GRM4: variants seen among roughly 807,000 people sequenced by gnomAD.
The protein encoded by GRM4 is glutamate metabotropic receptor 4, also known as metabotropic glutamate receptor 4.
Under a neutral mutation model 81.7 loss-of-function variants are expected in GRM4, and 28 were observed. The observed-to-expected ratio is 0.34, with a 90% CI of 0.25 to 0.47. The LOEUF (loss-of-function observed/expected upper bound fraction) is 0.47. Among genes scored for constraint, GRM4 ranks in the 20% least tolerant of loss-of-function variants. GRM4 has a pLI of 1.00. For synonymous variants in GRM4, 488 were observed against 528.8 expected (o/e 0.92, Z 1.06); for missense variants, 948 against 1,290.0 (o/e 0.73, Z 4.06).
chr6:34,132,904 C>A (rs1016456293), intron 2 of GRM4, 74 bp downstream of exon 2: 59 of 1,291,530 alleles, frequency 4.6e-5, no homozygotes, highest in Non-Finnish European at 6.0e-5. Context: ...GTCGGCCAGG[C>A]CTGGCACCCT....
chr6:34,098,890 G>T (rs568302742), intron 2 of GRM4, among the ~76,000 whole-genome samples: 6 of 152,250 alleles, frequency 3.9e-5, no homozygotes, highest in African/African-American at 1.4e-4. Flanking sequence ...CTGGGAGGGG[G>T]TGCCCAGAGG....
chr6:34,073,942 A>G (rs1581658515), intron 3 of GRM4, among the ~76,000 whole-genome samples: 1 of 152,144 alleles, frequency 6.6e-6, no homozygotes, highest in African/African-American at 2.4e-5. Context: ...GGAGGGGCCT[A>G]TGGTCCAGCA....
chr6:34,073,058 A>ACAGATACACACCACACACACACATCAC (rs1767064357), intron 3 of GRM4, among the ~76,000 whole-genome samples: 2 of 116,064 alleles, frequency 1.7e-5, no homozygotes, highest in Admixed American at 1.7e-4. Context: ...ACACATCACC[A>ACAGATACACACCACACACACACATCAC]CACAGATACA....
At chr6:34,117,036 C>G (rs4713739) in intron 2 of GRM4, among the ~76,000 whole-genome samples, 65,776 of 152,128 alleles carry the variant, frequency 0.43, 15,926 homozygotes, top group Non-Finnish European at 0.53. Context: ...AGGAGGGGCT[C>G]AAGGGAGCTT....
At position 34,130,270 on chromosome 6, in the gene GRM4, CACA is replaced by C; in HGVS notation, c.519+2705_519+2707del. On this transcript the variant is annotated intron_variant, in intron 2 of 10. Coordinates refer to ENST00000538487, the MANE Select transcript of GRM4 (RefSeq NM_000841.4). The surrounding 1 kb of genome is among the most constrained non-coding windows in gnomAD (Gnocchi z 4.1). ...TAAAAGGGACCCAGGGAATGCAGGC[CACA>C]GCCGGCTGGTTTTCTCCCCGCTGTC... 6.6e-6 allele frequency among the ~76,000 whole-genome samples: 1 copy of C among 152,314 alleles called. No individual in the cohort carries two copies. Among genetic ancestry groups the C allele is most frequent in the Non-Finnish European group, 1.5e-5 (1 of 68,012 alleles).
Position 34,069,142 on chromosome 6 carries a change from CTACCCCTGGA to C in GRM4, c.737-7124_737-7115del. 6.7e-6 allele frequency among the ~76,000 whole-genome samples: 1 copy of C among 150,124 alleles called. No individual in the cohort carries two copies. The highest frequency in any genetic ancestry group is 1.5e-5 in the Non-Finnish European group (1 of 67,686). ...CAGAGGGGAGGACAGGGGCTGGAAG[CTACCCCTGGA>C]CCCTCATGGGCGTATACACACACAC... On this transcript the variant is annotated intron_variant, in intron 3 of 10. Coordinates refer to ENST00000538487, the MANE Select transcript of GRM4 (RefSeq NM_000841.4). The surrounding 1 kb of genome is among the most constrained non-coding windows in gnomAD (Gnocchi z 6.4).
At chr6:34,052,524 C>G (rs1240248421) in intron 6 of GRM4, among the ~76,000 whole-genome samples, 1 of 152,196 alleles carries the variant, frequency 6.6e-6, no homozygotes, top group Admixed American at 6.5e-5. Flanking sequence ...GCAAAGGACC[C>G]AGGAGTGGCA....
intron 2 of GRM4, among the ~76,000 whole-genome samples, chr6:34,116,190 C>T (rs548445089): frequency 8.5e-5 from 13 of 152,272 alleles, no homozygotes; most frequent in Non-Finnish European, 1.8e-4. Flanking sequence ...AAACACATGC[C>T]GCCTAGAACT....
rs181192913 is a variant in GRM4 at position 34,143,216 on chromosome 6, C to T, written c.-364+2784G>A. Among the ~76,000 whole-genome samples, 22 of 152,266 alleles carry T rather than the reference C, an allele frequency of 1.4e-4. No individual in the cohort carries two copies. In the East Asian group the frequency reaches 3.9e-3, roughly 27 times the overall value. On this transcript the variant is annotated intron_variant, in intron 1 of 10. Coordinates refer to ENST00000538487, the MANE Select transcript of GRM4 (RefSeq NM_000841.4). ...GACAGAAGTTGGAGGAACATAAAGACAGCGGCCACCCAATTCACAAGCGGA... is the reference window on the plus strand; with the variant it reads ...GACAGAAGTTGGAGGAACATAAAGATAGCGGCCACCCAATTCACAAGCGGA...
intron 6 of GRM4, among the ~76,000 whole-genome samples, chr6:34,050,600 C>A (rs1259763001): frequency 6.6e-6 from 1 of 152,208 alleles, no homozygotes; most frequent in Non-Finnish European, 1.5e-5. Context: ...AGCCTCTTTT[C>A]TTTATGAATT....
chr6:34,142,759 T>C (rs1770744247), intron 1 of GRM4, among the ~76,000 whole-genome samples: 1 of 152,162 alleles, frequency 6.6e-6, no homozygotes, highest in African/African-American at 2.4e-5. Flanking sequence ...AGGCGCTCCC[T>C]CTCAGAGAAG....
At chr6:34,097,112 C>A (rs1013950954) in intron 2 of GRM4, among the ~76,000 whole-genome samples, 5 of 152,200 alleles carry the variant, frequency 3.3e-5, no homozygotes, top group African/African-American at 9.7e-5. Context: ...TCAGCGGGCT[C>A]CAATCTAGAT....
chr6:34,124,243 G>A (rs555543333), intron 2 of GRM4, among the ~76,000 whole-genome samples: 7 of 152,208 alleles, frequency 4.6e-5, no homozygotes, highest in South Asian at 4.2e-4. Flanking sequence ...TCCTGTCCCC[G>A]GGGTCTCTGC....
chr6:34,044,371 C>T (rs575485340), intron 6 of GRM4, among the ~76,000 whole-genome samples: 2 of 150,682 alleles, frequency 1.3e-5, no homozygotes, highest in African/African-American at 2.5e-5. Context: ...CAGACACACA[C>T]ATACACACAC....
intron 2 of GRM4, among the ~76,000 whole-genome samples, chr6:34,118,446 C>T (rs573328329): frequency 6.2e-4 from 94 of 152,282 alleles, no homozygotes; most frequent in African/African-American, 2.2e-3. Context: ...GACCCTGATT[C>T]GAAGCCCAGC....
At chr6:34,105,622 G>C (rs1305066807) in intron 2 of GRM4, among the ~76,000 whole-genome samples, 3 of 152,062 alleles carry the variant, frequency 2.0e-5, no homozygotes, top group Non-Finnish European at 4.4e-5. Context: ...ACTCCCTGGG[G>C]CCTGGGACTG....
chr6:34,039,107 C>T (rs1764867390), intron 8 of GRM4, among the ~76,000 whole-genome samples: 1 of 152,182 alleles, frequency 6.6e-6, no homozygotes, highest in African/African-American at 2.4e-5. Context: ...CTGTTGTGCC[C>T]ATCGCTCTCC....
chr6:34,023,730 T>TC (rs1280297260), intron 10 of GRM4, among the ~76,000 whole-genome samples: 1 of 152,054 alleles, frequency 6.6e-6, no homozygotes, highest in Admixed American at 6.6e-5. Flanking sequence ...AGTGTGAGTG[T>TC]CCCCCACCCC....
rs181165746 is a variant in GRM4, at chr6:34,064,207, G to T, written c.737-2179C>A. ...GATTCAGACCAGAAGGGAGTGCGGG[G>T]GGCGGGGGTGTGCAGAGCTCCGTAA... On this transcript the variant is annotated intron_variant, in intron 3 of 10. Coordinates refer to ENST00000538487, the MANE Select transcript of GRM4 (RefSeq NM_000841.4). The surrounding 1 kb of genome is among the most constrained non-coding windows in gnomAD (Gnocchi z 4.4). Among the ~76,000 whole-genome samples the T allele has an allele frequency of 3.3e-5, 5 of 152,138 alleles. No individual in the cohort carries two copies. The highest frequency in any genetic ancestry group is 7.4e-5 in the Non-Finnish European group (5 of 68,014).
Sources: gnomAD v4.1 joint callset for allele counts (sites outside exome capture counted in the v4.1 genomes callset) on GRCh38, gnomAD v4.1.1 for gene constraint, Gnocchi (gnomAD v3.1) non-coding constraint, MANE v1.5 for transcripts, NCBI Gene and HGNC (gene_info 2026-07-23, HGNC 2026-07-21) for gene names.